OPHN1: variants seen among roughly 807,000 people sequenced by gnomAD.
OPHN1 encodes oligophrenin-1.
In OPHN1, 11 loss-of-function variants were observed where a neutral mutation model predicts 60.7. That is an observed-to-expected ratio of 0.18 (90% CI 0.11 to 0.30). The LOEUF is 0.30. OPHN1 is among the 10% of genes least tolerant of loss of function. The probability of loss-of-function intolerance (pLI) is 1.00; values close to 1 mark genes in which losing one functional copy is unlikely to be tolerated. For missense variants in OPHN1, 449 were observed against 611.0 expected (o/e 0.73, Z 2.80); for synonymous variants, 226 against 222.6 (o/e 1.02, Z -0.14).
intron 15 of OPHN1, among the ~76,000 whole-genome samples, chrX:68,129,499 CTAAA>C (rs2077185216): frequency 8.9e-6 from 1 of 111,757 alleles, no homozygotes; most frequent in African/African-American, 3.3e-5. Context: ...GAATTACTGT[CTAAA>C]TATTGCTAAG....
At chrX:68,385,814 G>C (rs2078621704) in intron 2 of OPHN1, among the ~76,000 whole-genome samples, 2 of 111,940 alleles carry the variant, frequency 1.8e-5, no homozygotes. Context: ...GTTAGACTCT[G>C]TTGTTCACAT....
intron 2 of OPHN1, among the ~76,000 whole-genome samples, chrX:68,410,361 A>C (rs1220073944): frequency 9.0e-6 from 1 of 110,980 alleles, no homozygotes; most frequent in Non-Finnish European, 1.9e-5. Flanking sequence ...TAGGGGAGGA[A>C]TGCCGTGTTC....
intron 15 of OPHN1, among the ~76,000 whole-genome samples, chrX:68,130,876 C>T (rs1469298412): frequency 1.8e-5 from 2 of 111,697 alleles, no homozygotes; most frequent in African/African-American, 6.5e-5. Context: ...GGCTAGTAGC[C>T]TAAGAGTAAT....
chrX:68,161,559 A>C (rs907731925), intron 15 of OPHN1, among the ~76,000 whole-genome samples: 3 of 111,446 alleles, frequency 2.7e-5, no homozygotes, highest in African/African-American at 9.7e-5. Flanking sequence ...AGAGGAGCAA[A>C]TATTAAAAAA....
intron 2 of OPHN1, among the ~76,000 whole-genome samples, chrX:68,361,978 G>A (rs1212443302): frequency 1.2e-4 from 13 of 111,749 alleles, no homozygotes; most frequent in Non-Finnish European, 2.1e-4. Context: ...CTAATGTTGA[G>A]CATTTTTTTC....
At chrX:68,210,367 T>C (rs976609128) in intron 8 of OPHN1, 85 bp from the exon 9 acceptor site, 5 of 971,200 alleles carry the variant, frequency 5.1e-6, no homozygotes, top group South Asian at 2.1e-5. Flanking sequence ...CAGTACAAAG[T>C]TTTCCCTGCT....
chrX:68,190,327 C>G (rs994030817), intron 15 of OPHN1, among the ~76,000 whole-genome samples: 13 of 112,026 alleles, frequency 1.2e-4, no homozygotes, highest in Non-Finnish European at 3.8e-5. Flanking sequence ...TGATTGATGC[C>G]CGGGTAGGCA....
chrX:68,331,971 G>A (rs2078297392), intron 2 of OPHN1, among the ~76,000 whole-genome samples: 1 of 110,642 alleles, frequency 9.0e-6, no homozygotes, highest in Non-Finnish European at 1.9e-5. Flanking sequence ...GAGAGGCAGA[G>A]GTTGTGGTGA....
chrX:68,433,529 T>C (rs982423658), upstream of OPHN1: 10 of 285,459 alleles, frequency 3.5e-5, no homozygotes, highest in Admixed American at 5.0e-4. Flanking sequence ...GATTGCACTG[T>C]CCCCTCCCCT....
chrX:68,314,997 A>C (rs2078192490), intron 2 of OPHN1, among the ~76,000 whole-genome samples: 2 of 109,124 alleles, frequency 1.8e-5, no homozygotes, highest in African/African-American at 6.7e-5. Context: ...AAAAAAAAAA[A>C]AAAACAGAGA....
chrX:68,156,569 AC>A (rs1201519077), intron 15 of OPHN1, among the ~76,000 whole-genome samples: 1 of 110,802 alleles, frequency 9.0e-6, no homozygotes, highest in Non-Finnish European at 1.9e-5. Context: ...AGCCTGGGCA[AC>A]CACTAATCGA....
chrX:68,269,798 G>C (rs2077956577), intron 5 of OPHN1, among the ~76,000 whole-genome samples: 1 of 111,791 alleles, frequency 8.9e-6, no homozygotes, highest in Admixed American at 9.5e-5. Context: ...AGAGCGAACA[G>C]GCAACCTACA....
At chrX:68,382,199 C>T (rs5965564) in intron 2 of OPHN1, among the ~76,000 whole-genome samples, 33,370 of 109,115 alleles carry the variant, frequency 0.31, 7,499 homozygotes, top group African/African-American at 0.8. Flanking sequence ...ATACAAAAAT[C>T]AGCCGGGCGT....
chrX:68,309,889 A>G (rs1446580077), intron 2 of OPHN1, among the ~76,000 whole-genome samples: 1 of 112,062 alleles, frequency 8.9e-6, no homozygotes, highest in East Asian at 2.8e-4. Flanking sequence ...ACATCCTTAC[A>G]GAGAAAACAA....
At chrX:68,145,726 A>G (rs991873863) in intron 15 of OPHN1, among the ~76,000 whole-genome samples, 1 of 111,922 alleles carries the variant, frequency 8.9e-6, no homozygotes, top group African/African-American at 3.2e-5. Flanking sequence ...CCATAAATGC[A>G]TTTTTTAGCA....
chrX:68,293,379 T>C (rs1484215822), intron 3 of OPHN1, among the ~76,000 whole-genome samples: 1 of 112,190 alleles, frequency 8.9e-6, no homozygotes, highest in Admixed American at 9.4e-5. Context: ...ACTGACAATG[T>C]TAAACCCTCA....
intron 20 of OPHN1, among the ~76,000 whole-genome samples, chrX:68,065,536 C>T (rs1452415760): frequency 9.0e-6 from 1 of 111,510 alleles, no homozygotes; most frequent in Non-Finnish European, 1.9e-5. Context: ...GTTTGGAATT[C>T]TTCGCAATAA....
At chrX:68,277,355 C>A (rs915063231) in intron 4 of OPHN1, among the ~76,000 whole-genome samples, 1 of 112,703 alleles carries the variant, frequency 8.9e-6, no homozygotes, top group Non-Finnish European at 1.9e-5. Context: ...TGCTCACCTC[C>A]TGCTGTGTGG....
At chrX:68,228,057 T>TA (rs1456843874) in intron 6 of OPHN1, among the ~76,000 whole-genome samples, 1 of 110,849 alleles carries the variant, frequency 9.0e-6, no homozygotes, top group Non-Finnish European at 1.9e-5. Context: ...ATAGTTGCAA[T>TA]AAAAAATGAT....
Sources: gnomAD v4.1 joint callset for allele counts (sites outside exome capture counted in the v4.1 genomes callset) on GRCh38, gnomAD v4.1.1 for gene constraint, MANE v1.5 for transcripts, NCBI Gene and HGNC (gene_info 2026-07-23, HGNC 2026-07-21) for gene names.